GRM7: variants seen among roughly 807,000 people sequenced by gnomAD.
GRM7 encodes glutamate metabotropic receptor 7.
A neutral mutation model predicts 84.5 loss-of-function variants in GRM7; 35 were observed. The observed-to-expected ratio is 0.41, with a 90% CI of 0.32 to 0.55. The LOEUF is 0.55. GRM7 is among the 20% of genes least tolerant of loss of function. GRM7 has a pLI of 0.19. For synonymous variants in GRM7, 487 were observed against 455.1 expected (o/e 1.07, Z -0.89); for missense variants, 1,003 against 1,194.6 (o/e 0.84, Z 2.36).
At chr3:7,659,091 G>T (rs371777928) in intron 8 of GRM7, among the ~76,000 whole-genome samples, 1 of 152,164 alleles carries the variant, frequency 6.6e-6, no homozygotes, top group Non-Finnish European at 1.5e-5. Flanking sequence ...TCATATTTCT[G>T]TTGAGCTGTC....
intron 5 of GRM7, among the ~76,000 whole-genome samples, chr3:7,416,799 T>C (rs1696178982): frequency 6.6e-6 from 1 of 152,092 alleles, no homozygotes; most frequent in Non-Finnish European, 1.5e-5. Flanking sequence ...TGACTAGACC[T>C]AGGCGACACA....
intron 7 of GRM7, among the ~76,000 whole-genome samples, chr3:7,526,878 G>A (rs1238845180): frequency 6.6e-6 from 1 of 151,798 alleles, no homozygotes; most frequent in Non-Finnish European, 1.5e-5. Context: ...TTGTTTTATT[G>A]GCTTATGTGC....
At chr3:7,052,152 G>A (rs1406804856) in intron 1 of GRM7, among the ~76,000 whole-genome samples, 1 of 151,618 alleles carries the variant, frequency 6.6e-6, no homozygotes, top group Non-Finnish European at 1.5e-5. Flanking sequence ...CTTGTTGTTT[G>A]GACTGAAAAT....
intron 9 of GRM7, among the ~76,000 whole-genome samples, chr3:7,717,387 C>T (rs1701801663): frequency 6.6e-6 from 1 of 151,992 alleles, no homozygotes; most frequent in African/African-American, 2.4e-5. Context: ...AAAAAAATTG[C>T]ACAGGTGGTT....
At chr3:7,460,562 G>A (rs147972326) in intron 6 of GRM7, among the ~76,000 whole-genome samples, 45 of 152,130 alleles carry the variant, frequency 3.0e-4, no homozygotes, top group Admixed American at 2.0e-3. Context: ...ATTGTTTTCC[G>A]CTGGGAATAT....
At position 7,510,097 on chromosome 3, in the gene GRM7, C is replaced by T. The variant is rs1700153369; in HGVS notation, c.1515+48375C>T. ...ATAGCTTATTCCTCTTCCTTCTCTA[C>T]AAACTAGAGCTTTAAACCCCCACTT... On this transcript the variant is annotated intron_variant, in intron 7 of 9. Transcript: ENST00000357716. 2.0e-5 allele frequency among the ~76,000 whole-genome samples: 3 copies of T among 152,194 alleles called. No individual in the cohort carries two copies. In the South Asian group the frequency reaches 6.2e-4, roughly 32 times the overall value.
At chr3:7,461,932 T>C (rs1257893040) in intron 7 of GRM7, among the ~76,000 whole-genome samples, 1 of 152,136 alleles carries the variant, frequency 6.6e-6, no homozygotes, top group Non-Finnish European at 1.5e-5. Context: ...GTGCATTATA[T>C]TCATGACCTG....
At position 7,452,351 on chromosome 3, in the gene GRM7, C is replaced by G. The variant is rs143270237; in HGVS notation, c.1175-256C>G. 1.7e-4 allele frequency among the ~76,000 whole-genome samples: 26 copies of G among 152,218 alleles called. No homozygotes were observed. In the East Asian group the frequency reaches 5.0e-3, roughly 29 times the overall value. On this transcript the variant is annotated intron_variant, in intron 5 of 9. Coordinates refer to ENST00000357716, the MANE Select transcript of GRM7 (RefSeq NM_000844.4). ...AAGATCCTTTTATTCTAAGGGACCA[C>G]TATATTTTGAATAGTATGTAAGGTG...
chr3:7,520,882 C>T (rs1344568097), intron 7 of GRM7, among the ~76,000 whole-genome samples: 1 of 152,196 alleles, frequency 6.6e-6, no homozygotes, highest in East Asian at 1.9e-4. Context: ...CTAGTTTTCA[C>T]ATCCTTGCTG....
intron 2 of GRM7, among the ~76,000 whole-genome samples, chr3:7,209,186 A>G (rs1278266466): frequency 6.6e-6 from 1 of 152,234 alleles, no homozygotes. Context: ...GAAAGTACAA[A>G]TCAGAGTGGT....
chr3:7,430,575 G>A (rs73810647), intron 5 of GRM7, among the ~76,000 whole-genome samples: 4,606 of 152,262 alleles, frequency 0.03, 245 homozygotes, highest in African/African-American at 0.1. Context: ...GGCACATACC[G>A]ATCTGTGCTA....
chr3:7,156,041 T>C (rs982242883), intron 2 of GRM7, among the ~76,000 whole-genome samples: 3 of 152,170 alleles, frequency 2.0e-5, no homozygotes, highest in East Asian at 3.9e-4. Flanking sequence ...CCTGTTTAAA[T>C]AGGCAATCCT....
chr3:6,974,794 G>C (rs980798743), intron 1 of GRM7, among the ~76,000 whole-genome samples: 1 of 152,162 alleles, frequency 6.6e-6, no homozygotes, highest in African/African-American at 2.4e-5. Flanking sequence ...TGATTGAACT[G>C]TGATTTTTAG....
Position 7,389,533 on chromosome 3 carries a change from C to T in GRM7, c.1034-25490C>T, listed in dbSNP as rs538249423. ...GTATAAACATAATTGTTTTATAAGT[C>T]CAGGTGCTCCAATGTTGGATGTGTG... is the stretch of plus-strand genomic sequence containing the variant. On this transcript the variant is annotated intron_variant, in intron 4 of 9. Transcript: ENST00000357716. Among the ~76,000 whole-genome samples, 154 of 152,086 alleles carry T rather than the reference C, an allele frequency of 1.0e-3. 1 individual carries two copies. Among genetic ancestry groups the T allele is most frequent in the Non-Finnish European group, 1.5e-3 (104 of 67,944 alleles).
At position 7,247,460 on chromosome 3, in the gene GRM7, C is replaced by T. The variant is rs889499969; in HGVS notation, c.737-51224C>T. 2.0e-5 allele frequency among the ~76,000 whole-genome samples: 3 copies of T among 151,592 alleles called. No homozygotes were observed. The East Asian group carries it at 5.8e-4, about 29-fold the overall frequency. On this transcript the variant is annotated intron_variant, in intron 2 of 9. Coordinates refer to ENST00000357716, the MANE Select transcript of GRM7 (RefSeq NM_000844.4). The stretch of plus-strand genomic sequence containing the variant: ...AAAATATTTAAAACAATTAGGACTA[C>T]AGGCGGCTCACACCTGTAGTCCTAC...
At chr3:7,365,309 T>C (rs1400007471) in intron 4 of GRM7, among the ~76,000 whole-genome samples, 2 of 151,730 alleles carry the variant, frequency 1.3e-5, no homozygotes, top group Non-Finnish European at 3.0e-5. Flanking sequence ...GGCTCAGCTA[T>C]GTTATCTTTG....
intron 1 of GRM7, among the ~76,000 whole-genome samples, chr3:6,895,293 G>T: frequency 6.6e-6 from 1 of 152,142 alleles, no homozygotes; most frequent in Non-Finnish European, 1.5e-5. Flanking sequence ...GCCAGTGTGT[G>T]ACAGAATCTG....
chr3:7,250,008 C>T (rs73809029), intron 2 of GRM7, among the ~76,000 whole-genome samples: 4,738 of 152,224 alleles, frequency 0.031, 240 homozygotes, highest in African/African-American at 0.11. Context: ...TCCTTATGCT[C>T]CATCTCTTGG....
At chr3:7,103,206 T>C (rs549792408) in intron 1 of GRM7, among the ~76,000 whole-genome samples, 1 of 152,008 alleles carries the variant, frequency 6.6e-6, no homozygotes, top group South Asian at 2.1e-4. Flanking sequence ...AGTATGCTAG[T>C]AAAAATCCTG....
Sources: allele counts gnomAD v4.1 joint callset (sites outside exome capture counted in the v4.1 genomes callset), GRCh38; gene constraint gnomAD v4.1.1; transcripts MANE v1.5; gene names NCBI Gene and HGNC (gene_info 2026-07-23, HGNC 2026-07-21).